EPB41L2: variants seen among roughly 807,000 people sequenced by gnomAD.
The protein encoded by EPB41L2 is band 4.1-like protein 2.
EPB41L2 carries 43 observed loss-of-function variants against 113.0 expected under a neutral mutation model. The ratio of observed to expected loss-of-function variants is 0.38; its 90% CI spans 0.30 to 0.49. The LOEUF is 0.49. Among genes scored for constraint, EPB41L2 ranks in the 20% least tolerant of loss-of-function variants. The pLI is 0.95. For missense variants in EPB41L2, 1,147 were observed against 1,223.4 expected, an observed-to-expected ratio of 0.94 and a Z score of 0.93; for synonymous variants, 442 against 436.7, an observed-to-expected ratio of 1.01 and a Z score of -0.15.
chr6:131,017,662 C>T lies in EPB41L2; in HGVS notation c.-15+45493G>A, dbSNP rs74539462. Among the ~76,000 whole-genome samples the T allele has an allele frequency of 1.4e-3, 212 of 152,180 alleles. 1 individual carries two copies. The highest frequency in any genetic ancestry group is 4.7e-3 in the African/African-American group (197 of 41,518). On this transcript the variant is annotated intron_variant, in intron 1 of 19. Transcript: ENST00000337057. ...TCAATAAGCATGCCTTCTGAGTTTC[C>T]CTTCACCTACAGGTACAGGAATCTC...
chr6:130,984,389 C>G (rs998941541), intron 1 of EPB41L2, among the ~76,000 whole-genome samples: 4 of 152,140 alleles, frequency 2.6e-5, no homozygotes, highest in African/African-American at 9.7e-5. Context: ...ACTGTATGTG[C>G]TAGATCTTTA....
intron 1 of EPB41L2, among the ~76,000 whole-genome samples, chr6:131,060,753 C>A (rs561245798): frequency 5.3e-5 from 8 of 152,302 alleles, no homozygotes; most frequent in Admixed American, 1.3e-4. Flanking sequence ...TGAAAAACAG[C>A]AAGAGATATC....
intron 5 of EPB41L2, among the ~76,000 whole-genome samples, chr6:130,908,548 T>A (rs1334382731): frequency 6.6e-6 from 1 of 152,196 alleles, no homozygotes; most frequent in Non-Finnish European, 1.5e-5. Context: ...GAAAAGTAGT[T>A]TCTCTTTCTT....
At chr6:130,865,363 A>G (rs949027541) in intron 17 of EPB41L2, among the ~76,000 whole-genome samples, 173 bp downstream of exon 17, 1 of 152,214 alleles carries the variant, frequency 6.6e-6, no homozygotes, top group Non-Finnish European at 1.5e-5. Flanking sequence ...TTTGGCTTGA[A>G]TGCATTTGTC....
chr6:130,963,714 C>T (rs919682396), intron 1 of EPB41L2, among the ~76,000 whole-genome samples: 9 of 152,132 alleles, frequency 5.9e-5, no homozygotes, highest in African/African-American at 1.7e-4. Flanking sequence ...GAAATAGATA[C>T]GATTTCCTGA....
At chr6:130,898,114 A>G (rs1434511888) in intron 8 of EPB41L2, among the ~76,000 whole-genome samples, 3 of 146,400 alleles carry the variant, frequency 2.0e-5, no homozygotes, top group Non-Finnish European at 4.5e-5. Context: ...AAAAAAAAAA[A>G]GAAAAGAAAA....
intron 1 of EPB41L2, among the ~76,000 whole-genome samples, chr6:130,985,251 C>T (rs1356935800): frequency 6.6e-6 from 1 of 152,174 alleles, no homozygotes; most frequent in African/African-American, 2.4e-5. Flanking sequence ...TGGCCTGCTC[C>T]TCCCCCACTC....
chr6:130,972,875 C>T (rs1048022096), intron 1 of EPB41L2, among the ~76,000 whole-genome samples: 6 of 140,988 alleles, frequency 4.3e-5, no homozygotes, highest in Non-Finnish European at 6.0e-5. Flanking sequence ...GGGTGGATCA[C>T]GAGGTCAGGG....
chr6:130,892,403 C>CTTTTTTTTTTTTTTTTTTTTTTTTTTTT lies in EPB41L2; in HGVS notation c.1488-1938_1488-1937insAAAAAAAAAAAAAAAAAAAAAAAAAAAA, dbSNP rs60350565. Among the ~76,000 whole-genome samples, 57 of 92,606 alleles carry CTTTTTTTTTTTTTTTTTTTTTTTTTTTT rather than the reference C, an allele frequency of 6.2e-4. 9 individuals are homozygous for CTTTTTTTTTTTTTTTTTTTTTTTTTTTT. Among genetic ancestry groups the CTTTTTTTTTTTTTTTTTTTTTTTTTTTT allele is most frequent in the Non-Finnish European group, 9.2e-4 (38 of 41,470 alleles). 60.8% of individuals were successfully genotyped at this position (92,606 alleles called of 152,430 possible). A position where few individuals can be genotyped will look rare whatever the true frequency, so the allele number is the denominator to read the frequency against. On this transcript the variant is annotated intron_variant, in intron 10 of 19. Transcript: ENST00000337057. ...CTTGCCATTTCTGAACAGATTATTG[C>CTTTTTTTTTTTTTTTTTTTTTTTTTTTT]TTTTTTTTTTTTTTTTTTTATCATT...
chr6:130,907,713 GATAA>G (rs1166320233), intron 5 of EPB41L2, among the ~76,000 whole-genome samples: 2 of 152,052 alleles, frequency 1.3e-5, no homozygotes, highest in Non-Finnish European at 2.9e-5. Context: ...CTACCAAAAA[GATAA>G]ATAATTCGAG....
At chr6:130,996,552 C>T (rs1294935266) in intron 1 of EPB41L2, among the ~76,000 whole-genome samples, 2 of 152,204 alleles carry the variant, frequency 1.3e-5, no homozygotes, top group African/African-American at 2.4e-5. Context: ...AATAAATGTA[C>T]ACACTTTCTA....
At chr6:130,873,254 A>T (rs1319910023) in intron 14 of EPB41L2, among the ~76,000 whole-genome samples, 1 of 152,220 alleles carries the variant, frequency 6.6e-6, no homozygotes, top group East Asian at 1.9e-4. Context: ...TGAAAGCTCA[A>T]TGAGCAACGT....
At chr6:130,883,737 T>C (rs1790015018) in intron 12 of EPB41L2, among the ~76,000 whole-genome samples, 1 of 152,214 alleles carries the variant, frequency 6.6e-6, no homozygotes, top group Admixed American at 6.5e-5. Flanking sequence ...TGTCAGCAAT[T>C]GAAAGAAACC....
At chr6:130,971,431 C>T (rs974236037) in intron 1 of EPB41L2, among the ~76,000 whole-genome samples, 4 of 152,148 alleles carry the variant, frequency 2.6e-5, no homozygotes, top group African/African-American at 9.7e-5. Flanking sequence ...TTGACATATT[C>T]AAATGGCCAC....
At position 130,872,437 on chromosome 6, in the gene EPB41L2, G is replaced by A. The variant is rs200717160; in HGVS notation, c.2044-2311C>T. On this transcript the variant is annotated intron_variant, in intron 14 of 19. Coordinates refer to ENST00000337057, the MANE Select transcript of EPB41L2 (RefSeq NM_001431.4). ...AAGGTGCATTAGCGCTCACAACAGC[G>A]CCCTCTGCTGTCCAAGTGGTGGCTG... is the stretch of plus-strand genomic sequence containing the variant. 3.9e-5 allele frequency: 50 copies of A among 1,289,328 alleles called. No homozygotes were observed. In the East Asian group the frequency reaches 3.9e-4, roughly 10 times the overall value. The allele number at this position is 1,289,328 out of a possible 1,614,324, so 79.9% of individuals were successfully genotyped here.
intron 1 of EPB41L2, among the ~76,000 whole-genome samples, chr6:131,060,072 C>T (rs1234343256): frequency 6.6e-6 from 1 of 152,188 alleles, no homozygotes; most frequent in Non-Finnish European, 1.5e-5. Context: ...CCACACATAG[C>T]TTTTAAACAG....
intron 19 of EPB41L2, among the ~76,000 whole-genome samples, chr6:130,848,242 C>G (rs963245018): frequency 6.9e-6 from 1 of 144,188 alleles, no homozygotes; most frequent in South Asian, 2.2e-4. Context: ...CACACACACA[C>G]AGAATCTAAA....
intron 3 of EPB41L2, among the ~76,000 whole-genome samples, chr6:130,954,664 T>A (rs1198001939): frequency 6.6e-6 from 1 of 152,240 alleles, no homozygotes; most frequent in South Asian, 2.1e-4. Flanking sequence ...ATGAACTGTA[T>A]GTTTTGCAAA....
chr6:131,062,941 G>A (rs1335295287), intron 1 of EPB41L2, among the ~76,000 whole-genome samples: 7 of 152,116 alleles, frequency 4.6e-5, no homozygotes, highest in Non-Finnish European at 1.0e-4. Context: ...GCAGAGACCG[G>A]GAAGGAAAGG....
Sources: gnomAD v4.1 joint callset for allele counts (sites outside exome capture counted in the v4.1 genomes callset) on GRCh38, gnomAD v4.1.1 for gene constraint, MANE v1.5 for transcripts, NCBI Gene and HGNC (gene_info 2026-07-23, HGNC 2026-07-21) for gene names.